Variants in NF2 observed in about 807,000 individuals in gnomAD.
The protein encoded by NF2 is NF2, moesin-ezrin-radixin like (MERLIN) tumor suppressor.
NF2 carries 8 observed loss-of-function variants against 83.7 expected under a neutral mutation model. That is an observed-to-expected ratio of 0.10 (90% confidence interval 0.06 to 0.17). The LOEUF is 0.17. Among genes scored for constraint, NF2 ranks in the 10% least tolerant of loss-of-function variants. NF2 has a pLI of 1.00. For synonymous variants in NF2, 266 were observed against 269.6 expected (o/e 0.99, Z 0.13); for missense variants, 533 against 744.4 (o/e 0.72, Z 3.31).
intron 1 of NF2, among the ~76,000 whole-genome samples, chr22:29,625,829 C>T (rs1275115898): frequency 6.6e-6 from 1 of 152,206 alleles, no homozygotes; most frequent in Non-Finnish European, 1.5e-5. Flanking sequence ...TGCCACTGTT[C>T]TCTTTTTTGC....
chr22:29,622,862 G>T (rs2065250743), intron 1 of NF2, among the ~76,000 whole-genome samples: 1 of 151,240 alleles, frequency 6.6e-6, no homozygotes, highest in South Asian at 2.1e-4. Flanking sequence ...CACCATGTTG[G>T]CCAGGACGGT....
intron 4 of NF2, among the ~76,000 whole-genome samples, chr22:29,649,411 C>G (rs2066077874): frequency 1.3e-5 from 2 of 152,170 alleles, no homozygotes; most frequent in African/African-American, 4.8e-5. Flanking sequence ...AAAACCCTGT[C>G]TCTACTTGGC....
chr22:29,691,488 G>C (rs971629795), intron 15 of NF2, among the ~76,000 whole-genome samples: 11 of 152,236 alleles, frequency 7.2e-5, no homozygotes, highest in South Asian at 2.1e-4. Context: ...TGAGAGCATC[G>C]CAGGGGAACC....
intron 1 of NF2, among the ~76,000 whole-genome samples, chr22:29,614,352 G>A (rs540347687): frequency 1.3e-5 from 2 of 152,150 alleles, no homozygotes; most frequent in Non-Finnish European, 2.9e-5. Flanking sequence ...GCCGAGGTGG[G>A]TGGCTCACGA....
chr22:29,669,539 ATAAATAAATAAG>A (rs1194856900), intron 10 of NF2, among the ~76,000 whole-genome samples: 2 of 152,230 alleles, frequency 1.3e-5, no homozygotes, highest in Admixed American at 6.5e-5. Context: ...ACCAAAATAA[ATAAATAAATAAG>A]TAAATAAATA....
At chr22:29,659,287 A>G (rs1223643944) in intron 7 of NF2, among the ~76,000 whole-genome samples, 1 of 152,218 alleles carries the variant, frequency 6.6e-6, no homozygotes, top group East Asian at 1.9e-4. Flanking sequence ...TGTTCTGGCC[A>G]CCTAGATTCT....
intron 1 of NF2, among the ~76,000 whole-genome samples, chr22:29,619,472 CT>C (rs1241336458): frequency 6.6e-6 from 1 of 152,098 alleles, no homozygotes; most frequent in African/African-American, 2.4e-5. Context: ...TCTCAGCTCA[CT>C]TCAACCTCTG....
At position 29,674,866 on chromosome 22, in the gene NF2, C is replaced by A. The variant is rs1220807117; in HGVS notation, c.1371C>A (p.Asp457Glu). The A allele has an allele frequency of 6.4e-7, 1 of 1,567,012 alleles. No homozygotes were observed. The highest frequency in any genetic ancestry group is 8.7e-7 in the Non-Finnish European group (1 of 1,154,944). Residue 457 changes from aspartate to glutamate, a missense_variant, in exon 13 of 16, where the codon GAC becomes GAA. Physicochemically the swap from Asp to Glu is conservative, Grantham distance 45. Coordinates refer to ENST00000338641, the MANE Select transcript of NF2 (RefSeq NM_000268.4). ...RAKEADQLKQDLQEAREAERR... is the reference protein window; with the variant it reads ...RAKEADQLKQELQEAREAERR... ...AAGAGGCAGATCAGCTGAAGCAGGA[C>A]CTGCAGGAAGCACGCGAGGCGGAGC...
At chr22:29,614,318 C>T (rs1314966924) in intron 1 of NF2, among the ~76,000 whole-genome samples, 5 of 151,822 alleles carry the variant, frequency 3.3e-5, no homozygotes. Context: ...TGGCTCAACA[C>T]CTGTAATCCC....
chr22:29,678,144 CCTT>C, intron 13 of NF2, 49 bp from the exon 14 acceptor site: 4 of 1,609,708 alleles, frequency 2.5e-6, no homozygotes, highest in Non-Finnish European at 3.4e-6. Context: ...ACAGTAGTGT[CCTT>C]CTGTGCTTGT....
intron 15 of NF2, among the ~76,000 whole-genome samples, chr22:29,687,082 C>A (rs79665512): frequency 0.054 from 8,287 of 152,242 alleles, 301 homozygotes; most frequent in Non-Finnish European, 0.078. Flanking sequence ...CAGGGTCTTT[C>A]TTTCATCGCT....
chr22:29,609,516 G>T, intron 1 of NF2: 1 of 252,992 alleles, frequency 4.0e-6, no homozygotes, highest in Non-Finnish European at 8.3e-6. Context: ...ACCTTAAGGA[G>T]CCCAATGTTT....
At chr22:29,639,236 C>G (rs373867916) in intron 3 of NF2, 24 bp downstream of exon 3, 3 of 1,613,652 alleles carry the variant, frequency 1.9e-6, no homozygotes, top group African/African-American at 2.7e-5. Flanking sequence ...GGCTACCCCC[C>G]AGTTCTGAGA....
chr22:29,644,611 T>C (rs1400673640), intron 4 of NF2, among the ~76,000 whole-genome samples: 1 of 152,104 alleles, frequency 6.6e-6, no homozygotes, highest in Non-Finnish European at 1.5e-5. Flanking sequence ...ATCACGCCAC[T>C]GCACTCCAGC....
intron 1 of NF2, among the ~76,000 whole-genome samples, chr22:29,634,522 C>T (rs1411968180): frequency 6.6e-6 from 1 of 152,206 alleles, no homozygotes; most frequent in Non-Finnish European, 1.5e-5. Context: ...CTGCACACCC[C>T]ACTTACAGAC....
At chr22:29,616,745 GAAAAA>G (rs76401799) in intron 1 of NF2, among the ~76,000 whole-genome samples, 1 of 85,704 alleles carries the variant, frequency 1.2e-5, no homozygotes, top group Non-Finnish European at 2.5e-5. Context: ...TCCGTCTCAA[GAAAAA>G]AAAAAAAAAA....
In NF2 at chr22:29,655,608, T is replaced by C. The variant is rs780880330; in HGVS notation, c.531T>C (p.Tyr177=). The change falls in exon 6 of 16, where the codon TAT becomes TAC. Residue 177 remains tyrosine, a synonymous_variant. Transcript: ENST00000338641. The stretch of plus-strand genomic sequence containing the variant: ...TTTTTTGGTAGGTAATAAATCTGTA[T>C]CAGATGACTCCGGAAATGTGGGAGG... ...ELLPKRVINL[Y]QMTPEMWEER... The C allele has an allele frequency of 2.5e-6, 4 of 1,613,946 alleles. No individual in the cohort carries two copies. Among genetic ancestry groups the C allele is most frequent in the Non-Finnish European group, 3.4e-6 (4 of 1,179,898 alleles).
At chr22:29,661,045 G>A (rs1321698441) in intron 7 of NF2, among the ~76,000 whole-genome samples, 160 bp from the exon 8 acceptor site, 2 of 152,246 alleles carry the variant, frequency 1.3e-5, no homozygotes, top group South Asian at 2.1e-4. Flanking sequence ...CCCCAATTCA[G>A]AAAGCTGAAA....
At chr22:29,646,597 C>T (rs1390441317) in intron 4 of NF2, among the ~76,000 whole-genome samples, 2 of 152,142 alleles carry the variant, frequency 1.3e-5, no homozygotes, top group Non-Finnish European at 2.9e-5. Context: ...TAATTATGCA[C>T]AAATGTATTC....
Sources: gnomAD v4.1 joint callset for allele counts (sites outside exome capture counted in the v4.1 genomes callset) on GRCh38, gnomAD v4.1.1 for gene constraint, MANE v1.5 for transcripts, NCBI Gene and HGNC (gene_info 2026-07-23, HGNC 2026-07-21) for gene names.